Variants in MPHOSPH9 observed in about 807,000 individuals in gnomAD.
MPHOSPH9 encodes the protein M-phase phosphoprotein 9.
In MPHOSPH9, 88 loss-of-function variants were observed where a neutral mutation model predicts 145.5. That is an observed-to-expected ratio of 0.60 (90% CI 0.51 to 0.72). MPHOSPH9 has a LOEUF of 0.72. Ranked by LOEUF, MPHOSPH9 falls within the 30% of genes least tolerant of loss-of-function variation. The pLI is 0.00. For missense variants in MPHOSPH9, 1,238 were observed against 1,386.6 expected, an observed-to-expected ratio of 0.89 and a Z score of 1.70; for synonymous variants, 435 against 486.2, an observed-to-expected ratio of 0.89 and a Z score of 1.39.
chr12:123,174,688 C>T (rs1414673105), intron 16 of MPHOSPH9, among the ~76,000 whole-genome samples: 5 of 151,926 alleles, frequency 3.3e-5, no homozygotes, highest in Non-Finnish European at 7.4e-5. Context: ...CAAAATTTAT[C>T]ATACCATCCT....
chr12:123,161,459 C>T (rs2044103862), intron 21 of MPHOSPH9, 76 bp from the exon 22 acceptor site: 1 of 1,496,224 alleles, frequency 6.7e-7, no homozygotes, highest in Non-Finnish European at 9.1e-7. Context: ...AAATATGTTG[C>T]CCAATTTCAC....
chr12:123,161,417 T>A (rs1458164487), intron 21 of MPHOSPH9, 34 bp from the exon 22 acceptor site: 1 of 1,608,692 alleles, frequency 6.2e-7, no homozygotes, highest in South Asian at 1.1e-5. Flanking sequence ...TTATATTTCT[T>A]ATCAATTTTT....
chr12:123,157,631 C>A (rs893653728), intron 23 of MPHOSPH9, among the ~76,000 whole-genome samples: 3 of 152,064 alleles, frequency 2.0e-5, no homozygotes, highest in African/African-American at 7.2e-5. Flanking sequence ...CAGGCAGGCA[C>A]CACCACACCT....
chr12:123,227,411 A>G (rs2047475044), intron 3 of MPHOSPH9, 52 bp downstream of exon 3: 3 of 1,273,804 alleles, frequency 2.4e-6, no homozygotes, highest in African/African-American at 3.0e-5. Context: ...TAGTAGAGGT[A>G]TGTTTTAACA....
At chr12:123,207,166 A>G (rs1038825231) in intron 8 of MPHOSPH9, among the ~76,000 whole-genome samples, 4 of 149,462 alleles carry the variant, frequency 2.7e-5, no homozygotes, top group Non-Finnish European at 5.9e-5. Context: ...AAAAAAAAAA[A>G]GCATTGTATC....
chr12:123,169,818 A>G lies in MPHOSPH9; in HGVS notation c.2457-3029T>C, dbSNP rs554374995. On this transcript the variant is annotated intron_variant, in intron 16 of 23. Transcript: ENST00000606320. Reference sequence around the variant, plus strand: ...GTTTCACCATGTTGGCCAAACTCCTAACCTTAAGTGATCTGCCCACCTTGG... The same window carrying G: ...GTTTCACCATGTTGGCCAAACTCCTGACCTTAAGTGATCTGCCCACCTTGG... 1.8e-3 allele frequency among the ~76,000 whole-genome samples: 270 copies of G among 151,708 alleles called. 3 individuals are homozygous for G. The South Asian group carries it at 0.023, about 13-fold the overall frequency.
intron 23 of MPHOSPH9, among the ~76,000 whole-genome samples, chr12:123,158,736 A>G (rs2043974655): frequency 6.6e-6 from 1 of 151,928 alleles, no homozygotes; most frequent in South Asian, 2.1e-4. Flanking sequence ...GGTTCAAGTG[A>G]ACCTCCTGCC....
At chr12:123,181,276 G>T (rs2045129293) in intron 13 of MPHOSPH9, 66 bp from the exon 14 acceptor site, 2 of 1,424,662 alleles carry the variant, frequency 1.4e-6, no homozygotes, top group African/African-American at 1.4e-5. Context: ...CTGAGGTACA[G>T]TCTACAAAAT....
intron 8 of MPHOSPH9, among the ~76,000 whole-genome samples, chr12:123,208,009 T>TG (rs1287646051): frequency 2.0e-5 from 3 of 150,938 alleles, no homozygotes; most frequent in Non-Finnish European, 4.4e-5. Context: ...GAGGCTGATG[T>TG]GGGTGGATCA....
chr12:123,215,731 C>G (rs2046924074), intron 6 of MPHOSPH9, among the ~76,000 whole-genome samples: 1 of 152,140 alleles, frequency 6.6e-6, no homozygotes, highest in African/African-American at 2.4e-5. Context: ...GAGAATATTT[C>G]TATCAGAATT....
intron 13 of MPHOSPH9, among the ~76,000 whole-genome samples, chr12:123,184,037 C>A (rs1439602287): frequency 6.6e-6 from 1 of 152,028 alleles, no homozygotes; most frequent in Non-Finnish European, 1.5e-5. Context: ...AAGACCCCAT[C>A]TCTACAAAAA....
At chr12:123,234,435 A>G (rs1206061953), upstream of MPHOSPH9, among the ~76,000 whole-genome samples, 2 of 152,048 alleles carry the variant, frequency 1.3e-5, no homozygotes, top group East Asian at 3.9e-4. Context: ...TCTCTCTGTC[A>G]CCCAGGCTGG....
At position 123,221,432 on chromosome 12, in the gene MPHOSPH9, A is replaced by G. The variant is rs756547355; in HGVS notation, c.812T>C (p.Phe271Ser). ...ATTTTCACCAAGAAAATTATGTTCA[A>G]ATTCACCAGGAGAAATGGATACATC... ...KEDVSISPGE[F>S]EHNFLGENKV... Residue 271 changes from phenylalanine to serine, a missense_variant, in exon 5 of 24, where the codon TTT becomes TCT. Around this residue, in one of 3 missense-constraint regions of MPHOSPH9, gnomAD observed 837 missense variants for 897.5 expected, o/e 0.93. Transcript: ENST00000606320. 6.8e-6 allele frequency: 11 copies of G among 1,611,562 alleles called. No individual in the cohort carries two copies. The African/African-American group carries it at 1.3e-4, about 20-fold the overall frequency.
At position 123,202,240 on chromosome 12, in the gene MPHOSPH9, A is replaced by G; in HGVS notation, c.1861T>C (p.Leu621=). 6.2e-7 allele frequency: 1 copy of G among 1,613,480 alleles called. No individual in the cohort carries two copies. Among genetic ancestry groups the G allele is most frequent in the Non-Finnish European group, 8.5e-7 (1 of 1,179,852 alleles). The part of the protein sequence containing the change: ...RAYYESEINS[L]KQKLEAKEIS... ...TCTTTTGCCTCCAGCTTCTGTTTCA[A>G]ACTATTTATTTCTGATTCATAATAA... Residue 621 remains leucine, a synonymous_variant, in exon 11 of 24, where the codon TTG becomes CTG. Transcript: ENST00000606320.
At chr12:123,230,155 A>G (rs1050470162) in intron 2 of MPHOSPH9, 106 bp downstream of exon 2, 1 of 678,702 alleles carries the variant, frequency 1.5e-6, no homozygotes, top group Admixed American at 3.3e-5. Context: ...GTTAAAAAAT[A>G]ATAATAATTC....
At chr12:123,165,162 G>C in intron 18 of MPHOSPH9, 140 bp downstream of exon 18, 1 of 691,046 alleles carries the variant, frequency 1.4e-6, no homozygotes, top group South Asian at 2.2e-5. Flanking sequence ...TATGAAACGG[G>C]GCTGAAGTAG....
At chr12:123,169,752 C>A (rs947625319) in intron 16 of MPHOSPH9, among the ~76,000 whole-genome samples, 1 of 151,658 alleles carries the variant, frequency 6.6e-6, no homozygotes, top group African/African-American at 2.4e-5. Context: ...AGGGGCCCAC[C>A]ACTGTGCCCA....
At chr12:123,194,738 C>T (rs571921017) in intron 12 of MPHOSPH9, 137 bp from the exon 13 acceptor site, 18 of 591,490 alleles carry the variant, frequency 3.0e-5, no homozygotes, top group Non-Finnish European at 4.8e-5. Flanking sequence ...TCTCCTGCCT[C>T]AGCCTCCCGA....
intron 8 of MPHOSPH9, among the ~76,000 whole-genome samples, chr12:123,203,779 G>A (rs944629558): frequency 2.0e-5 from 3 of 151,984 alleles, no homozygotes; most frequent in African/African-American, 7.2e-5. Flanking sequence ...AATCTCCCAG[G>A]CTAAAGTGAT....
Sources: gnomAD v4.1 joint callset for allele counts (sites outside exome capture counted in the v4.1 genomes callset) on GRCh38, gnomAD v4.1.1 for gene constraint, gnomAD v4.1.1 regional missense constraint, MANE v1.5 for transcripts, NCBI Gene and HGNC (gene_info 2026-07-23, HGNC 2026-07-21) for gene names.